HYDIN: variants seen among roughly 807,000 people sequenced by gnomAD.
HYDIN encodes HYDIN axonemal central pair apparatus protein.
A neutral mutation model predicts 403.9 loss-of-function variants in HYDIN; 132 were observed. That is an observed-to-expected ratio of 0.33 (90% CI 0.28 to 0.38). The LOEUF is 0.38. Ranked by LOEUF, HYDIN falls within the 10% of genes least tolerant of loss-of-function variation. HYDIN has a pLI of 1.00. For missense variants in HYDIN, 2,827 were observed against 5,009.5 expected (o/e 0.56, Z 13.15); for synonymous variants, 1,202 against 1,891.7 (o/e 0.64, Z 9.46).
chr16:71,076,003 A>C (rs186059542), intron 13 of HYDIN: 219 of 413,352 alleles, frequency 5.3e-4, no homozygotes, highest in African/African-American at 4.0e-3. Flanking sequence ...AGAAGGACCC[A>C]GGCATTACAC....
Position 70,908,634 on chromosome 16 carries a change from G to A in HYDIN, c.8213+19C>T. 6.6e-7 allele frequency: 1 copy of A among 1,504,600 alleles called. No individual in the cohort carries two copies. Among genetic ancestry groups the A allele is most frequent in the Non-Finnish European group, 9.1e-7 (1 of 1,101,028 alleles). The allele number at this position is 1,504,600 out of a possible 1,614,324, so 93.2% of individuals were successfully genotyped here. ...GGCTTTGGCCCAGATTCCCCTCCCT[G>A]GGTTGCTGGAAGGCCCACCTGGTGA... On this transcript the variant is annotated intron_variant, in intron 48 of 85. Coordinates refer to ENST00000393567, the MANE Select transcript of HYDIN (RefSeq NM_001270974.2).
In HYDIN at chr16:71,217,840, C is replaced by A. The variant is rs184549543; in HGVS notation, c.-24+12722G>T. ...CCCTGCTTTGCGGGAGAGCCATTCA[C>A]GCTGCTGAGGTCTGGTCCAAGAGAG... On this transcript the variant is annotated intron_variant, in intron 1 of 85. Coordinates refer to ENST00000393567, the MANE Select transcript of HYDIN (RefSeq NM_001270974.2). Among the ~76,000 whole-genome samples, 59 of 152,292 alleles carry A rather than the reference C, an allele frequency of 3.9e-4. 1 individual carries two copies. In the East Asian group the frequency reaches 7.7e-3, roughly 20 times the overall value.
chr16:70,989,317 C>T (rs1297250150), intron 25 of HYDIN, among the ~76,000 whole-genome samples: 2 of 152,082 alleles, frequency 1.3e-5, no homozygotes, highest in African/African-American at 2.4e-5. Context: ...GGGTTACAGG[C>T]GTGAACCACT....
At chr16:70,961,209 G>A (rs960531321) in intron 38 of HYDIN, among the ~76,000 whole-genome samples, 15 of 152,124 alleles carry the variant, frequency 9.9e-5, no homozygotes, top group African/African-American at 2.7e-4. Flanking sequence ...AGGGCTGCTC[G>A]GAGAGACCAG....
At chr16:70,990,989 G>C (rs963620835) in intron 25 of HYDIN, among the ~76,000 whole-genome samples, 1 of 152,154 alleles carries the variant, frequency 6.6e-6, no homozygotes, top group Non-Finnish European at 1.5e-5. Flanking sequence ...GCACATCTTT[G>C]TATCTCCAAT....
At chr16:71,150,803 C>T (rs2144573300) in intron 7 of HYDIN, among the ~76,000 whole-genome samples, 1 of 152,264 alleles carries the variant, frequency 6.6e-6, no homozygotes, top group South Asian at 2.1e-4. Context: ...ATTAATAATA[C>T]ATACATCTGA....
intron 8 of HYDIN, among the ~76,000 whole-genome samples, chr16:71,136,920 A>G (rs1462608634): frequency 3.2e-4 from 42 of 133,172 alleles, no homozygotes; most frequent in Non-Finnish European, 5.7e-4. Context: ...CTGCTAAACT[A>G]TAAACAGGTT....
rs142172180 is a variant in HYDIN at position 71,184,886 on chromosome 16, C to T, written c.240G>A (p.Met80Ile). 155 of 1,607,990 alleles carry T rather than the reference C, an allele frequency of 9.6e-5. 1 individual carries two copies. The African/African-American group carries it at 1.8e-3, about 18-fold the overall frequency. The change falls in exon 3 of 86, where the codon ATG becomes ATA. Residue 80 changes from methionine (M) to isoleucine (I), a missense_variant. Transcript: ENST00000393567. ...CTACCTTCTGATGTGTTGTTTCCCC[C>T]ATATCTAAGAGTTCGATGATCTGTG... ...CRPQIIELLDMGETTHQKFSG... is the reference protein window; with the variant it reads ...CRPQIIELLDIGETTHQKFSG...
chr16:71,133,801 C>T (rs1597853049), intron 8 of HYDIN, among the ~76,000 whole-genome samples: 1 of 151,146 alleles, frequency 6.6e-6, no homozygotes, highest in African/African-American at 2.4e-5. Flanking sequence ...GGGATGAATG[C>T]AGCCTCCATC....
chr16:71,065,916 T>C (rs2082248288), intron 15 of HYDIN, among the ~76,000 whole-genome samples: 1 of 152,196 alleles, frequency 6.6e-6, no homozygotes, highest in Admixed American at 6.5e-5. Context: ...AATAAGGACA[T>C]GAAAGAGGCT....
At chr16:70,847,202 GCT>G (rs1368608106) in intron 75 of HYDIN, among the ~76,000 whole-genome samples, 16 of 151,896 alleles carry the variant, frequency 1.1e-4, no homozygotes, top group Non-Finnish European at 1.8e-4. Flanking sequence ...CTCTTATATA[GCT>G]CTGTTACTTC....
chr16:71,003,698 T>C (rs2144080248), intron 23 of HYDIN, among the ~76,000 whole-genome samples: 1 of 151,442 alleles, frequency 6.6e-6, no homozygotes, highest in Admixed American at 6.6e-5. Flanking sequence ...ACTCAGGAGG[T>C]TGAGGCAGGA....
intron 73 of HYDIN, among the ~76,000 whole-genome samples, chr16:70,854,204 A>T (rs1567709610): frequency 6.6e-6 from 1 of 151,780 alleles, no homozygotes; most frequent in African/African-American, 2.4e-5. Flanking sequence ...TCTTACAACT[A>T]CATGTGAATT....
chr16:70,955,371 T>C lies in HYDIN; in HGVS notation c.6316+4A>G, dbSNP rs1295212308. The C allele has an allele frequency of 1.3e-6, 2 of 1,582,976 alleles. No individual in the cohort carries two copies. The highest frequency in any genetic ancestry group is 4.5e-5 in the East Asian group (2 of 44,674). ...CACAAAAACCCAAGAGAATGGGCTCTTACCAGCCTCCTCTCCTTCCTTCAC... is the reference window on the plus strand; with the variant it reads ...CACAAAAACCCAAGAGAATGGGCTCCTACCAGCCTCCTCTCCTTCCTTCAC... On this transcript the variant is annotated splice_donor_region_variant and intron_variant, in intron 40 of 85. Coordinates refer to ENST00000393567, the MANE Select transcript of HYDIN (RefSeq NM_001270974.2).
intron 83 of HYDIN, among the ~76,000 whole-genome samples, chr16:70,819,426 T>C (rs2036080831): frequency 6.6e-6 from 1 of 151,394 alleles, no homozygotes; most frequent in African/African-American, 2.4e-5. Context: ...TTTGTAAAGA[T>C]GAGGGAACTG....
chr16:71,212,467 G>T (rs551843338), intron 1 of HYDIN, among the ~76,000 whole-genome samples: 5 of 152,064 alleles, frequency 3.3e-5, no homozygotes, highest in African/African-American at 1.2e-4. Flanking sequence ...GTATGAAATC[G>T]TTTAAACAAA....
Position 70,952,653 on chromosome 16 carries a change from AT to A in HYDIN, c.6317-19del. On this transcript the variant is annotated intron_variant, in intron 40 of 85. Transcript: ENST00000393567. ...CTCCTGGGCTATAAGGAGAGGGTGA[AT>A]TTTTATTAAAAGTCACCTTAGAATC... 2 of 1,451,186 alleles carry A rather than the reference AT, an allele frequency of 1.4e-6. No homozygotes were observed. The highest frequency in any genetic ancestry group is 1.8e-6 in the Non-Finnish European group (2 of 1,087,486). The allele number at this position is 1,451,186 out of a possible 1,614,324, so 89.9% of individuals were successfully genotyped here. A position where few individuals can be genotyped will look rare whatever the true frequency, so the allele number is the denominator to read the frequency against.
chr16:70,834,305 ATT>A (rs2037220866), intron 78 of HYDIN, 141 bp from the exon 79 acceptor site: 2 of 585,382 alleles, frequency 3.4e-6, no homozygotes, highest in South Asian at 4.2e-5. Context: ...GCTTTGGTAA[ATT>A]ACTTCAACTT....
chr16:71,228,943 T>C (rs1398269834), intron 1 of HYDIN, among the ~76,000 whole-genome samples: 1 of 152,118 alleles, frequency 6.6e-6, no homozygotes, highest in East Asian at 1.9e-4. Flanking sequence ...TAAGAAAATG[T>C]GGCACATATA....
Sources: allele counts gnomAD v4.1 joint callset (sites outside exome capture counted in the v4.1 genomes callset), GRCh38; gene constraint gnomAD v4.1.1; transcripts MANE v1.5; gene names NCBI Gene and HGNC (gene_info 2026-07-23, HGNC 2026-07-21).